ROR2: variants seen among roughly 807,000 people sequenced by gnomAD.
ROR2 encodes tyrosine-protein kinase transmembrane receptor ROR2.
Under a neutral mutation model 74.9 loss-of-function variants are expected in ROR2, and 33 were observed. That is an observed-to-expected ratio of 0.44 (90% CI 0.33 to 0.59). The LOEUF is 0.59. Among genes scored for constraint, ROR2 ranks in the 20% least tolerant of loss-of-function variants. ROR2 has a pLI of 0.02. For missense variants in ROR2, 1,216 were observed against 1,313.8 expected (o/e 0.93, Z 1.15); for synonymous variants, 586 against 558.7 (o/e 1.05, Z -0.69).
At chr9:91,888,702 A>G (rs1830350886) in intron 1 of ROR2, among the ~76,000 whole-genome samples, 2 of 152,232 alleles carry the variant, frequency 1.3e-5, no homozygotes, top group South Asian at 2.1e-4. Context: ...ACATGTGTCC[A>G]TGTGCATTAA....
chr9:91,733,262 T>C lies in ROR2; in HGVS notation c.797A>G (p.Gln266Arg). The C allele has an allele frequency of 6.2e-7, 1 of 1,612,940 alleles. No homozygotes were observed. The highest frequency in any genetic ancestry group is 1.3e-5 in the African/African-American group (1 of 75,038). ...GTTGGAGCGGGCGATGGTGTACTCC[T>C]GGCGGCACAGGTCGCTCTCCAGCAC... Reference protein sequence around the residue: ...CEVLESDLCRQEYTIARSNPL... With the variant: ...CEVLESDLCRREYTIARSNPL... Residue 266 changes from glutamine to arginine, a missense_variant, in exon 6 of 9, where the codon CAG becomes CGG. Physicochemically the swap from Gln to Arg is conservative, Grantham distance 43. Transcript: ENST00000375708. This position sits in a 1 kb window ranked among gnomAD's most constrained non-coding sequence, Gnocchi z 5.7.
At position 91,733,069 on chromosome 9, in the gene ROR2, G is replaced by C; in HGVS notation, c.937+53C>G. 1.3e-6 allele frequency: 2 copies of C among 1,503,744 alleles called. No individual in the cohort carries two copies. The highest frequency in any genetic ancestry group is 8.9e-7 in the Non-Finnish European group (1 of 1,117,406). The allele number at this position is 1,503,744 out of a possible 1,614,324, so 93.2% of individuals were successfully genotyped here. On this transcript the variant is annotated intron_variant, in intron 6 of 8. Transcript: ENST00000375708. This position sits in a 1 kb window ranked among gnomAD's most constrained non-coding sequence, Gnocchi z 5.7. ...CCGACACCCCCATACACATTTCAAG[G>C]GCCCTACACTCCCTGCGCCCCCCGG...
intron 1 of ROR2, among the ~76,000 whole-genome samples, chr9:91,874,753 T>C (rs2119343433): frequency 6.6e-6 from 1 of 152,194 alleles, no homozygotes; most frequent in South Asian, 2.1e-4. Context: ...CTGACCAACA[T>C]GGACAAACCC....
chr9:91,788,860 C>CA lies in ROR2; in HGVS notation c.98-13043dup, dbSNP rs60152648. Among the ~76,000 whole-genome samples the CA allele has an allele frequency of 9.1e-3, 785 of 86,602 alleles. 3 individuals are homozygous for CA. Among genetic ancestry groups the CA allele is most frequent in the South Asian group, 0.012 (36 of 3,020 alleles). The allele number at this position is 86,602 out of a possible 152,430, so 56.8% of individuals were successfully genotyped here. On this transcript the variant is annotated intron_variant, in intron 1 of 8. Transcript: ENST00000375708. ...TGGGTGACAGAGCGAGACTCTGTCT[C>CA]AAAAAAAAAAAAAAAAAAATCAATA...
intron 2 of ROR2, among the ~76,000 whole-genome samples, chr9:91,766,358 T>C (rs1355122749): frequency 6.6e-6 from 1 of 152,232 alleles, no homozygotes; most frequent in Non-Finnish European, 1.5e-5. Context: ...CCCAGGGCTG[T>C]CACTTATAAT....
In ROR2 at chr9:91,735,626, T is replaced by C. The variant is rs973599530; in HGVS notation, c.622+1765A>G. On this transcript the variant is annotated intron_variant, in intron 5 of 8. Transcript: ENST00000375708. Reference sequence around the variant, plus strand: ...TCTAACTTTTTTTTTTTTTTTTTTTTTTTTTTTTTTTTTTTTTGAGACAGA... The same window carrying C: ...TCTAACTTTTTTTTTTTTTTTTTTTCTTTTTTTTTTTTTTTTTGAGACAGA... Among the ~76,000 whole-genome samples the C allele has an allele frequency of 5.6e-3, 695 of 124,606 alleles. 11 individuals carry two copies. The highest frequency in any genetic ancestry group is 0.023 in the African/African-American group (655 of 28,606). The allele number at this position is 124,606 out of a possible 152,430, so 81.7% of individuals were successfully genotyped here.
intron 1 of ROR2, among the ~76,000 whole-genome samples, chr9:91,793,905 G>A (rs1475398266): frequency 6.6e-6 from 1 of 152,206 alleles, no homozygotes; most frequent in African/African-American, 2.4e-5. Flanking sequence ...CAATGGAAGG[G>A]CTGGGAGTCG....
chr9:91,861,307 C>T (rs1829461722), intron 1 of ROR2, among the ~76,000 whole-genome samples: 1 of 152,084 alleles, frequency 6.6e-6, no homozygotes, highest in African/African-American at 2.4e-5. Context: ...GTGAGGAACA[C>T]AGAATAGCCA....
At chr9:91,906,607 G>C (rs189463098) in intron 1 of ROR2, among the ~76,000 whole-genome samples, 1 of 152,230 alleles carries the variant, frequency 6.6e-6, no homozygotes, top group East Asian at 1.9e-4. Context: ...AATCCCCTCG[G>C]TTTTGTTCTT....
intron 1 of ROR2, among the ~76,000 whole-genome samples, chr9:91,879,773 C>T (rs1025166494): frequency 6.6e-6 from 1 of 151,962 alleles, no homozygotes; most frequent in Non-Finnish European, 1.5e-5. Context: ...ACTAAGTGAA[C>T]ACCTCATCGT....
chr9:91,905,044 AAAC>A lies in ROR2; in HGVS notation c.97+44820_97+44822del, dbSNP rs1830778804. Among the ~76,000 whole-genome samples the A allele has an allele frequency of 7.1e-6, 1 of 141,626 alleles. No individual in the cohort carries two copies. The highest frequency in any genetic ancestry group is 2.2e-4 in the South Asian group (1 of 4,450). The allele number at this position is 141,626 out of a possible 152,430, so 92.9% of individuals were successfully genotyped here. A position where few individuals can be genotyped will look rare whatever the true frequency, so the allele number is the denominator to read the frequency against. ...ACACACAAAAACGTAACATATACGCAAACATCACACCACACAGACATACAACAT... is the reference window on the plus strand; with the variant it reads ...ACACACAAAAACGTAACATATACGCAATCACACCACACAGACATACAACAT... On this transcript the variant is annotated intron_variant, in intron 1 of 8. Coordinates refer to ENST00000375708, the MANE Select transcript of ROR2 (RefSeq NM_004560.4). The surrounding 1 kb of genome is among the most constrained non-coding windows in gnomAD (Gnocchi z 5.3).
intron 4 of ROR2, among the ~76,000 whole-genome samples, chr9:91,754,532 C>G (rs767174193): frequency 3.1e-4 from 47 of 151,994 alleles, no homozygotes; most frequent in Admixed American, 1.3e-4. Flanking sequence ...TGGTGCGCAT[C>G]TGTAATTTCA....
At chr9:91,813,462 G>A (rs1014329906) in intron 1 of ROR2, among the ~76,000 whole-genome samples, 2 of 152,216 alleles carry the variant, frequency 1.3e-5, no homozygotes, top group Non-Finnish European at 1.5e-5. Flanking sequence ...TTTGCCGTCT[G>A]TGGAACAGCA....
At chr9:91,881,716 C>A (rs1830116874) in intron 1 of ROR2, among the ~76,000 whole-genome samples, 2 of 152,074 alleles carry the variant, frequency 1.3e-5, no homozygotes, top group Admixed American at 1.3e-4. Flanking sequence ...AGCTATCAGG[C>A]CTCATTAGCG....
At chr9:91,889,999 TC>T (rs1207734595) in intron 1 of ROR2, among the ~76,000 whole-genome samples, 11 of 152,250 alleles carry the variant, frequency 7.2e-5, no homozygotes, top group Non-Finnish European at 5.9e-5. Context: ...GCAAAAAGTC[TC>T]CAGGGCTTTT....
At chr9:91,734,102 A>G (rs1308355789) in intron 5 of ROR2, among the ~76,000 whole-genome samples, 2 of 152,192 alleles carry the variant, frequency 1.3e-5, no homozygotes, top group Non-Finnish European at 2.9e-5. Context: ...GCAAGATGTC[A>G]GAGGATGCAG....
intron 1 of ROR2, among the ~76,000 whole-genome samples, chr9:91,945,071 C>G (rs1259025929): frequency 6.6e-6 from 1 of 150,392 alleles, no homozygotes; most frequent in Non-Finnish European, 1.5e-5. Context: ...CAGAGCAAGA[C>G]CTTAACTCAA....
chr9:91,756,691 TG>T (rs1825760146), intron 3 of ROR2, among the ~76,000 whole-genome samples: 2 of 151,736 alleles, frequency 1.3e-5, no homozygotes, highest in African/African-American at 4.8e-5. Context: ...GATTGTCTTC[TG>T]GGCTCCAGGT....
intron 1 of ROR2, among the ~76,000 whole-genome samples, chr9:91,793,935 A>C (rs1383745856): frequency 6.6e-6 from 1 of 152,238 alleles, no homozygotes; most frequent in Non-Finnish European, 1.5e-5. Flanking sequence ...AGCCTGGTCC[A>C]TGGTGTGAAC....
Sources: gnomAD v4.1 joint callset for allele counts (sites outside exome capture counted in the v4.1 genomes callset) on GRCh38, gnomAD v4.1.1 for gene constraint, Gnocchi (gnomAD v3.1) non-coding constraint, MANE v1.5 for transcripts, NCBI Gene and HGNC (gene_info 2026-07-23, HGNC 2026-07-21) for gene names.